The following PRDM5 variants were observed in gnomAD, a reference collection of about 807,000 sequenced individuals.
The protein encoded by PRDM5 is PR/SET domain 5.
A neutral mutation model predicts 81.2 loss-of-function variants in PRDM5; 56 were observed. That is an observed-to-expected ratio of 0.69 (90% confidence interval 0.56 to 0.86). PRDM5 has a LOEUF of 0.86. Ranked by LOEUF, PRDM5 falls within the 40% of genes least tolerant of loss-of-function variation. The pLI is 0.00. For missense variants in PRDM5, 697 were observed against 770.1 expected (o/e 0.91, Z 1.12); for synonymous variants, 267 against 256.4 (o/e 1.04, Z -0.39).
chr4:120,860,057 T>C (rs1561517811), intron 2 of PRDM5, among the ~76,000 whole-genome samples: 1 of 152,180 alleles, frequency 6.6e-6, no homozygotes, highest in Non-Finnish European at 1.5e-5. Flanking sequence ...GACATTTAGC[T>C]GAGATTACCT....
chr4:120,827,446 G>A (rs1386402258), intron 3 of PRDM5, among the ~76,000 whole-genome samples: 1 of 152,096 alleles, frequency 6.6e-6, no homozygotes, highest in Non-Finnish European at 1.5e-5. Context: ...TTCTCTAGAG[G>A]CAGGGGCACC....
At position 120,734,421 on chromosome 4, in the gene PRDM5, T is replaced by TACACACACACACACACACACAC. The variant is rs149559268; in HGVS notation, c.1623+20110_1623+20131dup. ...ACACACACACACACACACACACAAA[T>TACACACACACACACACACACAC]ACACACACACACACACACACACACA... On this transcript the variant is annotated intron_variant, in intron 14 of 15. Coordinates refer to ENST00000264808, the MANE Select transcript of PRDM5 (RefSeq NM_018699.4). 2.3e-3 allele frequency among the ~76,000 whole-genome samples: 321 copies of TACACACACACACACACACACAC among 138,140 alleles called. 2 individuals carry two copies. The highest frequency in any genetic ancestry group is 8.1e-3 in the African/African-American group (297 of 36,662). 90.6% of individuals were successfully genotyped at this position (138,140 alleles called of 152,430 possible).
intron 8 of PRDM5, among the ~76,000 whole-genome samples, chr4:120,807,166 G>A (rs1041575662): frequency 1.4e-4 from 21 of 152,332 alleles, no homozygotes; most frequent in Middle Eastern, 6.8e-3. Flanking sequence ...TCTCACACCA[G>A]TTAGAATGGC....
chr4:120,918,635 AT>A lies in PRDM5; in HGVS notation c.93+3880del, dbSNP rs534148936. 5.0e-3 allele frequency among the ~76,000 whole-genome samples: 555 copies of A among 110,724 alleles called. 2 individuals are homozygous for A. Among genetic ancestry groups the A allele is most frequent in the African/African-American group, 0.017 (481 of 28,732 alleles). The allele number at this position is 110,724 out of a possible 152,430, so 72.6% of individuals were successfully genotyped here. A position where few individuals can be genotyped will look rare whatever the true frequency, so the allele number is the denominator to read the frequency against. On this transcript the variant is annotated intron_variant, in intron 1 of 15. Coordinates refer to ENST00000264808, the MANE Select transcript of PRDM5 (RefSeq NM_018699.4). ...TCACCTTTAAGCCTTTACGTCAGGT[AT>A]TTTTTTTTTTTTTTTTTTTTACTTA...
intron 3 of PRDM5, among the ~76,000 whole-genome samples, chr4:120,833,741 A>G (rs12507970): frequency 0.22 from 33,259 of 152,036 alleles, 3,965 homozygotes; most frequent in Non-Finnish European, 0.28. Context: ...TTATAATCAG[A>G]CTTGGTACTA....
chr4:120,744,038 C>G (rs1742565174), intron 14 of PRDM5, among the ~76,000 whole-genome samples: 1 of 152,022 alleles, frequency 6.6e-6, no homozygotes, highest in South Asian at 2.1e-4. Context: ...AAGTAAAGCT[C>G]TCCTCAGCAA....
In PRDM5 at chr4:120,919,026, C is replaced by T. The variant is rs551726442; in HGVS notation, c.93+3490G>A. Among the ~76,000 whole-genome samples, 135 of 152,272 alleles carry T rather than the reference C, an allele frequency of 8.9e-4. 1 individual carries two copies. The highest frequency in any genetic ancestry group is 1.9e-3 in the South Asian group (9 of 4,816). On this transcript the variant is annotated intron_variant, in intron 1 of 15. Transcript: ENST00000264808. ...GACAGGCACTTTGAAAGAGGAAGAA[C>T]TTTATACTGAACAGGCTGGCTCTCT...
rs533773494 is a variant in PRDM5, at chr4:120,704,068, AAAGG to A, written c.1728+6237_1728+6240del. Reference sequence around the variant, plus strand: ...AGCAATGGCAAGCTGGAAAAAACGGAAAGGAAGTTGAGCAAGATGCTGAAATCAT... The same window carrying A: ...AGCAATGGCAAGCTGGAAAAAACGGAAAGTTGAGCAAGATGCTGAAATCAT... On this transcript the variant is annotated intron_variant, in intron 15 of 15. Transcript: ENST00000264808. Among the ~76,000 whole-genome samples the A allele has an allele frequency of 7.9e-5, 12 of 152,282 alleles. No individual in the cohort carries two copies. In the East Asian group the frequency reaches 2.1e-3, roughly 27 times the overall value.
chr4:120,725,252 A>C (rs1428572765), intron 14 of PRDM5, among the ~76,000 whole-genome samples: 1 of 149,384 alleles, frequency 6.7e-6, no homozygotes, highest in South Asian at 2.1e-4. Context: ...TACTATTTAC[A>C]CTTTTCATCT....
At chr4:120,848,214 T>C (rs1436249961) in intron 3 of PRDM5, among the ~76,000 whole-genome samples, 3 of 152,140 alleles carry the variant, frequency 2.0e-5, no homozygotes, top group African/African-American at 7.2e-5. Flanking sequence ...AATCAAGGGA[T>C]ACATAACATA....
At chr4:120,848,218 T>C (rs1341075661) in intron 3 of PRDM5, among the ~76,000 whole-genome samples, 1 of 152,150 alleles carries the variant, frequency 6.6e-6, no homozygotes, top group African/African-American at 2.4e-5. Flanking sequence ...AAGGGATACA[T>C]AACATAAATA....
At chr4:120,776,256 T>C (rs1748141416) in intron 13 of PRDM5, among the ~76,000 whole-genome samples, 1 of 152,174 alleles carries the variant, frequency 6.6e-6, no homozygotes. Flanking sequence ...CATATGTCTT[T>C]AAGTTTTAGT....
chr4:120,810,050 T>C (rs1753611163), intron 8 of PRDM5, among the ~76,000 whole-genome samples: 1 of 152,162 alleles, frequency 6.6e-6, no homozygotes, highest in Non-Finnish European at 1.5e-5. Context: ...AATATTTCAT[T>C]ATACATTTTA....
chr4:120,779,729 C>A (rs1272563653), intron 12 of PRDM5, among the ~76,000 whole-genome samples: 3 of 152,062 alleles, frequency 2.0e-5, no homozygotes, highest in African/African-American at 7.2e-5. Flanking sequence ...TGGTGAAACT[C>A]CGTCTCTACT....
intron 2 of PRDM5, among the ~76,000 whole-genome samples, chr4:120,895,168 C>T (rs1764476622): frequency 6.6e-6 from 1 of 152,188 alleles, no homozygotes; most frequent in Non-Finnish European, 1.5e-5. Flanking sequence ...GATAAGCACC[C>T]TCCAGCTTCC....
chr4:120,777,532 C>A (rs1748354789), intron 12 of PRDM5, among the ~76,000 whole-genome samples: 1 of 151,964 alleles, frequency 6.6e-6, no homozygotes, highest in African/African-American at 2.4e-5. Context: ...CCTCATGGAG[C>A]CCCAACTAAA....
chr4:120,791,315 T>TC (rs1174872598), intron 10 of PRDM5, among the ~76,000 whole-genome samples: 1 of 152,164 alleles, frequency 6.6e-6, no homozygotes, highest in African/African-American at 2.4e-5. Context: ...AACATAAACA[T>TC]CCCTGCAAAT....
intron 12 of PRDM5, among the ~76,000 whole-genome samples, chr4:120,779,514 A>G (rs1427290736): frequency 6.6e-6 from 1 of 152,170 alleles, no homozygotes; most frequent in African/African-American, 2.4e-5. Flanking sequence ...GAGAGCTAAA[A>G]ACACCAGATA....
At chr4:120,804,247 T>A (rs1752569178) in intron 8 of PRDM5, among the ~76,000 whole-genome samples, 1 of 152,134 alleles carries the variant, frequency 6.6e-6, no homozygotes, top group Non-Finnish European at 1.5e-5. Flanking sequence ...CACACAATAA[T>A]AATTGGAGAC....
Sources: allele counts gnomAD v4.1 joint callset (sites outside exome capture counted in the v4.1 genomes callset), GRCh38; gene constraint gnomAD v4.1.1; transcripts MANE v1.5; gene names NCBI Gene and HGNC (gene_info 2026-07-23, HGNC 2026-07-21).